SRPK2: variants seen among roughly 807,000 people sequenced by gnomAD.
The protein encoded by SRPK2 is SRSF protein kinase 2, also known as SFRS protein kinase 2.
In SRPK2, 21 loss-of-function variants were observed where a neutral mutation model predicts 90.8. The observed-to-expected ratio is 0.23, with a 90% confidence interval of 0.16 to 0.33. SRPK2 has a LOEUF of 0.33. Among genes scored for constraint, SRPK2 ranks in the 10% least tolerant of loss-of-function variants. The probability of loss-of-function intolerance (pLI) is 1.00; values close to 1 mark genes in which losing one functional copy is unlikely to be tolerated. For missense variants in SRPK2, 620 were observed against 869.0 expected, an observed-to-expected ratio of 0.71 and a Z score of 3.60; for synonymous variants, 288 against 311.1, an observed-to-expected ratio of 0.93 and a Z score of 0.78.
chr7:105,299,284 C>T (rs954225587), intron 2 of SRPK2, among the ~76,000 whole-genome samples: 1 of 152,226 alleles, frequency 6.6e-6, no homozygotes, highest in Admixed American at 6.5e-5. Context: ...GCTACGTCAA[C>T]CACTTTTGTT....
At chr7:105,226,855 A>C (rs773315175) in intron 2 of SRPK2, among the ~76,000 whole-genome samples, 1 of 151,996 alleles carries the variant, frequency 6.6e-6, no homozygotes, top group Non-Finnish European at 1.5e-5. Context: ...AAAATTAGCC[A>C]GGCTTGAACC....
At chr7:105,233,091 A>AG (rs1554470938) in intron 2 of SRPK2, among the ~76,000 whole-genome samples, 4 of 91,902 alleles carry the variant, frequency 4.4e-5, no homozygotes, top group Middle Eastern at 5.7e-3. Flanking sequence ...AAGGAAGGAA[A>AG]GAAGGAAGGA....
chr7:105,235,460 T>TTGTG (rs57638058), intron 2 of SRPK2, among the ~76,000 whole-genome samples: 69 of 150,960 alleles, frequency 4.6e-4, no homozygotes, highest in African/African-American at 1.2e-3. Context: ...TTGTCTGGGA[T>TTGTG]TGTGTGTGTG....
chr7:105,322,914 TCCAGCCAGACACGG>T (rs963560130), intron 2 of SRPK2, among the ~76,000 whole-genome samples: 1 of 152,086 alleles, frequency 6.6e-6, no homozygotes, highest in African/African-American at 2.4e-5. Flanking sequence ...ATCAAAAATG[TCCAGCCAGACACGG>T]TGGCTCATGC....
At chr7:105,389,929 ACT>A (rs540659732), upstream of SRPK2, among the ~76,000 whole-genome samples, 51 of 152,234 alleles carry the variant, frequency 3.4e-4, no homozygotes, top group African/African-American at 9.6e-4. Context: ...AGAACGGGAA[ACT>A]CTGCTTGGAT....
chr7:105,228,838 TCCCGCA>T (rs1468381996), intron 2 of SRPK2, among the ~76,000 whole-genome samples: 1 of 152,160 alleles, frequency 6.6e-6, no homozygotes, highest in African/African-American at 2.4e-5. Flanking sequence ...GCCAGCCGGA[TCCCGCA>T]CTCGCTCGCT....
intron 2 of SRPK2, among the ~76,000 whole-genome samples, chr7:105,322,107 T>C (rs1813003790): frequency 6.6e-6 from 1 of 152,108 alleles, no homozygotes; most frequent in Admixed American, 6.6e-5. Flanking sequence ...AAATACTATG[T>C]AGCCATAAAA....
chr7:105,375,179 A>G (rs1820145056), intron 2 of SRPK2, among the ~76,000 whole-genome samples: 1 of 152,204 alleles, frequency 6.6e-6, no homozygotes, highest in Admixed American at 6.6e-5. Context: ...GTTTAAAAAA[A>G]TGTGTTGCTA....
chr7:105,115,848 T>G (rs892932567), downstream of SRPK2, among the ~76,000 whole-genome samples: 1 of 152,162 alleles, frequency 6.6e-6, no homozygotes, highest in African/African-American at 2.4e-5. Context: ...AGATATAAAT[T>G]ATGCCCTATG....
intron 2 of SRPK2, among the ~76,000 whole-genome samples, chr7:105,213,467 G>C (rs941445734): frequency 5.9e-5 from 9 of 152,032 alleles, no homozygotes; most frequent in African/African-American, 2.2e-4. Flanking sequence ...GAGAAACTGG[G>C]GAATAAAAGA....
chr7:105,372,853 C>T (rs1010844100), intron 2 of SRPK2, among the ~76,000 whole-genome samples: 3 of 152,154 alleles, frequency 2.0e-5, no homozygotes, highest in African/African-American at 7.2e-5. Context: ...CCTTGAGAGG[C>T]CAAGGCCGGT....
chr7:105,170,934 G>GGAAAGAAAGAAAGAAAGAAAGAAAGAAA (rs1554435876), intron 3 of SRPK2, among the ~76,000 whole-genome samples: 17 of 29,152 alleles, frequency 5.8e-4, no homozygotes, highest in East Asian at 4.8e-3. Flanking sequence ...AAAAGAAAAA[G>GGAAAGAAAGAAAGAAAGAAAGAAAGAAA]GAAAGAAAGA....
At chr7:105,158,669 T>C (rs1293789496) in intron 7 of SRPK2, among the ~76,000 whole-genome samples, 1 of 152,222 alleles carries the variant, frequency 6.6e-6, no homozygotes, top group East Asian at 1.9e-4. Context: ...CTGCGGGAAA[T>C]ACATGCAGGC....
chr7:105,213,851 G>C (rs1010458574), intron 2 of SRPK2, among the ~76,000 whole-genome samples: 1 of 152,132 alleles, frequency 6.6e-6, no homozygotes, highest in African/African-American at 2.4e-5. Context: ...AATAATGTAA[G>C]ATGTACCACT....
intron 7 of SRPK2, among the ~76,000 whole-genome samples, chr7:105,155,088 C>T (rs527670067): frequency 1.3e-5 from 2 of 152,058 alleles, no homozygotes; most frequent in African/African-American, 4.8e-5. Context: ...CCAAGTGATT[C>T]TCTTGCCGCA....
chr7:105,288,843 A>G (rs965664582), intron 2 of SRPK2, among the ~76,000 whole-genome samples: 1 of 152,128 alleles, frequency 6.6e-6, no homozygotes, highest in Non-Finnish European at 1.5e-5. Flanking sequence ...CTGGAGCCAA[A>G]TGTCTAGACA....
chr7:105,193,913 T>C lies in SRPK2; in HGVS notation c.229+9715A>G, dbSNP rs78907347. ...AGGTTTTATGTGTACGATTCCCTGC[T>C]TTTTGACAAATACATATACTCTAAT... On this transcript the variant is annotated intron_variant, in intron 3 of 15. Coordinates refer to ENST00000393651, the MANE Select transcript of SRPK2 (RefSeq NM_182692.3). Among the ~76,000 whole-genome samples, 804 of 152,348 alleles carry C rather than the reference T, an allele frequency of 5.3e-3. 20 individuals carry two copies. Among genetic ancestry groups the C allele is most frequent in the East Asian group, 0.029 (149 of 5,196 alleles).
chr7:105,167,064 G>C (rs895271347), intron 6 of SRPK2, among the ~76,000 whole-genome samples: 1 of 152,124 alleles, frequency 6.6e-6, no homozygotes, highest in African/African-American at 2.4e-5. Flanking sequence ...CAAAGAAGTG[G>C]TGCTGATGTA....
At chr7:105,164,637 CTTTATT>C (rs1443874055) in intron 6 of SRPK2, among the ~76,000 whole-genome samples, 1 of 152,122 alleles carries the variant, frequency 6.6e-6, no homozygotes, top group Non-Finnish European at 1.5e-5. Context: ...AGTTTATATT[CTTTATT>C]TTTGTCTTTT....
Sources: allele counts gnomAD v4.1 joint callset (sites outside exome capture counted in the v4.1 genomes callset), GRCh38; gene constraint gnomAD v4.1.1; transcripts MANE v1.5; gene names NCBI Gene and HGNC (gene_info 2026-07-23, HGNC 2026-07-21).